Variants in LRRC8D observed in about 807,000 individuals in gnomAD.
LRRC8D encodes leucine rich repeat containing 8 VRAC subunit D, also known as volume-regulated anion channel subunit LRRC8D.
In LRRC8D, 20 loss-of-function variants were observed where a neutral mutation model predicts 55.8. That is an observed-to-expected ratio of 0.36 (90% CI 0.25 to 0.52). The LOEUF (loss-of-function observed/expected upper bound fraction) is 0.52. Among genes scored for constraint, LRRC8D ranks in the 20% least tolerant of loss-of-function variants. The pLI is 0.93. For synonymous variants in LRRC8D, 352 were observed against 377.0 expected (o/e 0.93, Z 0.77); for missense variants, 651 against 1,030.8 (o/e 0.63, Z 5.05).
At chr1:89,867,105 A>G (rs1012855979) in intron 2 of LRRC8D, among the ~76,000 whole-genome samples, 1 of 152,180 alleles carries the variant, frequency 6.6e-6, no homozygotes, top group African/African-American at 2.4e-5. Flanking sequence ...GACCATTACC[A>G]CATCAATTTT....
chr1:89,861,506 T>C (rs1661720329), intron 2 of LRRC8D, among the ~76,000 whole-genome samples: 1 of 152,238 alleles, frequency 6.6e-6, no homozygotes, highest in Non-Finnish European at 1.5e-5. Flanking sequence ...TCTTCTTTAT[T>C]AATACCTGTG....
chr1:89,895,239 ATATAT>A (rs1662677340), intron 2 of LRRC8D, among the ~76,000 whole-genome samples: 1 of 151,694 alleles, frequency 6.6e-6, no homozygotes, highest in Non-Finnish European at 1.5e-5. Context: ...TATTCATATA[ATATAT>A]TATGAAGTCT....
chr1:89,888,979 G>C (rs148029206), intron 2 of LRRC8D, among the ~76,000 whole-genome samples: 1 of 152,186 alleles, frequency 6.6e-6, no homozygotes, highest in Non-Finnish European at 1.5e-5. Flanking sequence ...TCTCAAAGAA[G>C]TGGGTTATAA....
chr1:89,885,830 G>T (rs1302586587), intron 2 of LRRC8D, among the ~76,000 whole-genome samples: 1 of 152,196 alleles, frequency 6.6e-6, no homozygotes, highest in Non-Finnish European at 1.5e-5. Context: ...GCTTCAGGCT[G>T]CAGGCTGTGG....
At position 89,934,809 on chromosome 1, in the gene LRRC8D, C is replaced by G. The variant is rs1188624324; in HGVS notation, c.1741C>G (p.Leu581Val). Residue 581 changes from leucine to valine, a missense_variant, in exon 3 of 3, where the codon CTT becomes GTT. By Grantham distance (32) the Leu-to-Val change is conservative. This residue lies in a region of LRRC8D where 338 missense variants were observed against 479.4 expected (regional missense o/e 0.71). Transcript: ENST00000337338. This position sits in a 1 kb window ranked among gnomAD's most constrained non-coding sequence, Gnocchi z 5.9. ...CTCTGAAAACAATAAGATGATAGGA[C>G]TTGAATCTCTCCGAGAGTTGCGGCA... ...LNSENNKMIG[L>V]ESLRELRHLK... 2 of 1,614,026 alleles carry G rather than the reference C, an allele frequency of 1.2e-6. No homozygotes were observed. The highest frequency in any genetic ancestry group is 1.7e-6 in the Non-Finnish European group (2 of 1,180,050).
At chr1:89,902,814 G>C (rs901044774) in intron 2 of LRRC8D, among the ~76,000 whole-genome samples, 1 of 152,158 alleles carries the variant, frequency 6.6e-6, no homozygotes, top group East Asian at 1.9e-4. Context: ...GTGAGCCACC[G>C]TGCCCAGCCA....
intron 2 of LRRC8D, among the ~76,000 whole-genome samples, chr1:89,857,591 A>G (rs1570827934): frequency 6.6e-6 from 1 of 152,074 alleles, no homozygotes; most frequent in Admixed American, 6.5e-5. Context: ...TAAAATGTAT[A>G]CCCTCTCTCT....
chr1:89,935,706 G>A lies in LRRC8D; in HGVS notation c.*61G>A, dbSNP rs1305113212. 1.2e-5 allele frequency: 17 copies of A among 1,463,562 alleles called. No homozygotes were observed. The highest frequency in any genetic ancestry group is 5.4e-5 in the Admixed American group (3 of 55,424). The allele number at this position is 1,463,562 out of a possible 1,614,324, so 90.7% of individuals were successfully genotyped here. A position where few individuals can be genotyped will look rare whatever the true frequency, so the allele number is the denominator to read the frequency against. On this transcript the variant is annotated 3_prime_UTR_variant, in exon 3 of 3. Coordinates refer to ENST00000337338, the MANE Select transcript of LRRC8D (RefSeq NM_001134479.2). ...AACTTCCTAGATTGCAAGTGCTCAC[G>A]TACAAGTTATTACAAGATAATGCAT...
intron 2 of LRRC8D, among the ~76,000 whole-genome samples, chr1:89,856,799 T>C (rs1661565569): frequency 6.6e-6 from 1 of 152,242 alleles, no homozygotes; most frequent in South Asian, 2.1e-4. Context: ...AAGTGGTTAT[T>C]GATACAGTTG....
chr1:89,934,127 G>A lies in LRRC8D; in HGVS notation c.1059G>A (p.Glu353=). 6.2e-7 allele frequency: 1 copy of A among 1,614,134 alleles called. No homozygotes were observed. The highest frequency in any genetic ancestry group is 1.1e-5 in the South Asian group (1 of 91,082). The change falls in exon 3 of 3, where the codon GAG becomes GAA. Residue 353 remains glutamate, a synonymous_variant. Transcript: ENST00000337338. The surrounding 1 kb of genome is among the most constrained non-coding windows in gnomAD (Gnocchi z 5.9). ...VEHLIGYEVF[E]CTHNMAYMLK... Reference sequence around the variant, plus strand: ...ATCTGATTGGTTATGAGGTATTTGAGTGCACCCACAATATGGCTTACATGT... The same window carrying A: ...ATCTGATTGGTTATGAGGTATTTGAATGCACCCACAATATGGCTTACATGT...
chr1:89,859,521 G>A (rs1661647101), intron 2 of LRRC8D, among the ~76,000 whole-genome samples: 1 of 152,292 alleles, frequency 6.6e-6, no homozygotes, highest in African/African-American at 2.4e-5. Flanking sequence ...GTTAAGGATT[G>A]TGAATGGGAG....
chr1:89,868,425 A>G (rs1661906847), intron 2 of LRRC8D, among the ~76,000 whole-genome samples: 1 of 152,208 alleles, frequency 6.6e-6, no homozygotes, highest in South Asian at 2.1e-4. Context: ...TCAAAACTAC[A>G]TCTGATCTCT....
intron 2 of LRRC8D, among the ~76,000 whole-genome samples, chr1:89,891,126 C>T (rs11803110): frequency 0.055 from 8,417 of 152,212 alleles, 806 homozygotes; most frequent in African/African-American, 0.19. Context: ...GTGATCCGCC[C>T]GCCTCAGCCT....
chr1:89,860,732 T>C (rs1257660688), intron 2 of LRRC8D, among the ~76,000 whole-genome samples: 3 of 104,200 alleles, frequency 2.9e-5, no homozygotes, highest in Non-Finnish European at 5.2e-5. Context: ...CACTCCAGCC[T>C]GGCAACAGAG....
chr1:89,878,865 G>A (rs560758225), intron 2 of LRRC8D, among the ~76,000 whole-genome samples: 68 of 152,028 alleles, frequency 4.5e-4, no homozygotes, highest in Non-Finnish European at 9.0e-4. Flanking sequence ...TACTTGGGAG[G>A]CTGAGGCAGG....
chr1:89,924,802 A>G (rs1663515424), intron 2 of LRRC8D, among the ~76,000 whole-genome samples: 1 of 152,208 alleles, frequency 6.6e-6, no homozygotes, highest in Admixed American at 6.5e-5. Context: ...TCCTAGGCAT[A>G]GTAATACAGA....
In LRRC8D at chr1:89,934,517, C is replaced by T. The variant is rs370858889; in HGVS notation, c.1449C>T (p.Pro483=). The T allele has an allele frequency of 2.0e-5, 33 of 1,613,982 alleles. No individual in the cohort carries two copies. In the African/African-American group the frequency reaches 2.1e-4, roughly 10 times the overall value. ...ATCTGTTCATGCTGTCGGGGGTGCC[C>T]GATGCTGTCTTTGACCTCACAGACC... ...ELHLFMLSGV[P]DAVFDLTDLD... Residue 483 remains proline (P), a synonymous_variant, in exon 3 of 3, where the codon CCC becomes CCT. Transcript: ENST00000337338. This position sits in a 1 kb window ranked among gnomAD's most constrained non-coding sequence, Gnocchi z 5.9.
intron 1 of LRRC8D, among the ~76,000 whole-genome samples, chr1:89,822,435 G>A (rs1395685110): frequency 6.6e-6 from 1 of 152,164 alleles, no homozygotes; most frequent in Non-Finnish European, 1.5e-5. Context: ...TCCTGCTCTT[G>A]GATCTTCAAA....
At chr1:89,889,580 T>TAAA (rs58885629) in intron 2 of LRRC8D, among the ~76,000 whole-genome samples, 1 of 142,706 alleles carries the variant, frequency 7.0e-6, no homozygotes, top group Non-Finnish European at 1.5e-5. Context: ...AATGTTTGTT[T>TAAA]AAAAAAAAAA....
Sources: gnomAD v4.1 joint callset for allele counts (sites outside exome capture counted in the v4.1 genomes callset) on GRCh38, gnomAD v4.1.1 for gene constraint, gnomAD v4.1.1 regional missense constraint, Gnocchi (gnomAD v3.1) non-coding constraint, MANE v1.5 for transcripts, NCBI Gene and HGNC (gene_info 2026-07-23, HGNC 2026-07-21) for gene names.